CNTNAP2: variants seen among roughly 807,000 people sequenced by gnomAD.
CNTNAP2 encodes contactin-associated protein-like 2.
In CNTNAP2, 98 loss-of-function variants were observed where a neutral mutation model predicts 155.2. The ratio of observed to expected loss-of-function variants is 0.63; its 90% CI spans 0.54 to 0.75. CNTNAP2 has a LOEUF of 0.75. CNTNAP2 is among the 30% of genes least tolerant of loss of function. The pLI is 0.00. For synonymous variants in CNTNAP2, 651 were observed against 631.2 expected (o/e 1.03, Z -0.47); for missense variants, 1,727 against 1,688.1 (o/e 1.02, Z -0.40).
At chr7:147,560,480 T>C (rs1172834417) in intron 11 of CNTNAP2, among the ~76,000 whole-genome samples, 1 of 152,152 alleles carries the variant, frequency 6.6e-6, no homozygotes, top group Non-Finnish European at 1.5e-5. Flanking sequence ...AGCAGCCGTG[T>C]AGTTTATCAT....
intron 14 of CNTNAP2, among the ~76,000 whole-genome samples, chr7:147,968,470 A>G (rs1801264707): frequency 6.6e-6 from 1 of 152,156 alleles, no homozygotes; most frequent in Admixed American, 6.6e-5. Flanking sequence ...CTCAACAGTC[A>G]ATGGTGGGCA....
chr7:146,435,201 C>T lies in CNTNAP2; in HGVS notation c.97+318228C>T, dbSNP rs183677901. Among the ~76,000 whole-genome samples the T allele has an allele frequency of 1.4e-3, 214 of 152,220 alleles. 7 individuals carry two copies. The East Asian group carries it at 0.025, about 18-fold the overall frequency. On this transcript the variant is annotated intron_variant, in intron 1 of 23. Transcript: ENST00000361727. Reference sequence around the variant, plus strand: ...ATATAAAATCTGAAATTCAGATGGTCTAATTTAAAATTTAGTGTTATTAAC... The same window carrying T: ...ATATAAAATCTGAAATTCAGATGGTTTAATTTAAAATTTAGTGTTATTAAC...
chr7:146,682,299 T>C (rs1169775272), intron 1 of CNTNAP2, among the ~76,000 whole-genome samples: 1 of 152,136 alleles, frequency 6.6e-6, no homozygotes, highest in Admixed American at 6.5e-5. Context: ...TGTTGAGTGA[T>C]AAGCCTAGTG....
At chr7:147,926,483 G>A (rs532692685) in intron 14 of CNTNAP2, among the ~76,000 whole-genome samples, 2 of 152,230 alleles carry the variant, frequency 1.3e-5, no homozygotes, top group South Asian at 4.1e-4. Context: ...ACTTTCTTGA[G>A]TTTGTTCAAT....
At chr7:147,717,215 A>G (rs1796492473) in intron 13 of CNTNAP2, among the ~76,000 whole-genome samples, 1 of 152,048 alleles carries the variant, frequency 6.6e-6, no homozygotes, top group African/African-American at 2.4e-5. Context: ...TATTTTTAAA[A>G]CACTGAAAGC....
chr7:146,738,357 G>A (rs1801655134), intron 1 of CNTNAP2, among the ~76,000 whole-genome samples: 1 of 151,686 alleles, frequency 6.6e-6, no homozygotes, highest in Non-Finnish European at 1.5e-5. Flanking sequence ...TTTAAATCAG[G>A]CTATTTTATT....
intron 8 of CNTNAP2, among the ~76,000 whole-genome samples, chr7:147,163,924 C>T (rs1496535): frequency 2.6e-5 from 4 of 152,076 alleles, no homozygotes; most frequent in East Asian, 1.9e-4. Context: ...GAGATTCATT[C>T]GAAAACTCAG....
intron 15 of CNTNAP2, among the ~76,000 whole-genome samples, chr7:148,107,886 C>T (rs1005996555): frequency 1.3e-5 from 2 of 152,190 alleles, no homozygotes; most frequent in African/African-American, 4.8e-5. Context: ...AGGTGCAGCC[C>T]CAGTGTGAGC....
chr7:147,062,196 T>TTAAAACCA (rs1491190323), intron 4 of CNTNAP2, among the ~76,000 whole-genome samples: 1 of 126,732 alleles, frequency 7.9e-6, no homozygotes, highest in African/African-American at 3.0e-5. Flanking sequence ...ATATATAAAA[T>TTAAAACCA]TAAAACCATA....
chr7:146,514,423 T>G (rs991232955), intron 1 of CNTNAP2, among the ~76,000 whole-genome samples: 5 of 152,044 alleles, frequency 3.3e-5, no homozygotes, highest in Non-Finnish European at 7.4e-5. Context: ...TTCTTTCCAT[T>G]ATTTTTCTCC....
chr7:146,765,785 T>A (rs1177362321), intron 1 of CNTNAP2, among the ~76,000 whole-genome samples: 2 of 152,090 alleles, frequency 1.3e-5, no homozygotes, highest in East Asian at 3.9e-4. Flanking sequence ...GATGAACTGA[T>A]CAGAAAAAGT....
chr7:147,317,884 TC>T (rs1231313822), intron 9 of CNTNAP2, among the ~76,000 whole-genome samples: 1 of 151,912 alleles, frequency 6.6e-6, no homozygotes, highest in Admixed American at 6.6e-5. Context: ...GGTTTTCCCT[TC>T]TCTTAACTTT....
intron 1 of CNTNAP2, among the ~76,000 whole-genome samples, chr7:146,569,807 C>T (rs1421815434): frequency 1.3e-5 from 2 of 152,108 alleles, no homozygotes; most frequent in Non-Finnish European, 2.9e-5. Flanking sequence ...GACAGTGTCA[C>T]GTGCAATTTT....
intron 13 of CNTNAP2, among the ~76,000 whole-genome samples, chr7:147,675,531 T>C (rs1795854568): frequency 6.6e-6 from 1 of 152,040 alleles, no homozygotes; most frequent in Admixed American, 6.6e-5. Context: ...AAGAAGAAAT[T>C]TATTCTTTCT....
chr7:147,689,138 T>G (rs1372116917), intron 13 of CNTNAP2, among the ~76,000 whole-genome samples: 1 of 149,702 alleles, frequency 6.7e-6, no homozygotes, highest in African/African-American at 2.4e-5. Flanking sequence ...AAGCGGAGTA[T>G]TCATAATTAC....
At chr7:146,316,233 AT>A (rs1253868976) in intron 1 of CNTNAP2, among the ~76,000 whole-genome samples, 1 of 152,086 alleles carries the variant, frequency 6.6e-6, no homozygotes. Context: ...ACTTCATAAC[AT>A]TTTTATTTTA....
chr7:148,093,201 A>T (rs1260195670), intron 15 of CNTNAP2, among the ~76,000 whole-genome samples: 1 of 149,286 alleles, frequency 6.7e-6, no homozygotes, highest in African/African-American at 2.5e-5. Context: ...AAAAAAAAAA[A>T]TTAAATTTTT....
chr7:147,202,624 C>T (rs1460287234), intron 8 of CNTNAP2, among the ~76,000 whole-genome samples: 4 of 151,904 alleles, frequency 2.6e-5, no homozygotes, highest in Non-Finnish European at 4.4e-5. Context: ...CATAAAAAAA[C>T]GGATGAGTTC....
chr7:147,302,933 G>A (rs1435623990), intron 9 of CNTNAP2, among the ~76,000 whole-genome samples: 1 of 152,206 alleles, frequency 6.6e-6, no homozygotes, highest in Non-Finnish European at 1.5e-5. Flanking sequence ...GCTCAGTGAG[G>A]TCCCAGCTCT....
Sources: allele counts gnomAD v4.1 joint callset (sites outside exome capture counted in the v4.1 genomes callset), GRCh38; gene constraint gnomAD v4.1.1; transcripts MANE v1.5; gene names NCBI Gene and HGNC (gene_info 2026-07-23, HGNC 2026-07-21).